ANKMY1: variants seen among roughly 807,000 people sequenced by gnomAD.
ANKMY1 encodes ankyrin repeat and MYND domain containing 1.
A neutral mutation model predicts 102.0 loss-of-function variants in ANKMY1; 98 were observed. The observed-to-expected ratio is 0.96, with a 90% CI of 0.82 to 1.14. ANKMY1 has a LOEUF of 1.14. ANKMY1 is among the 50% of genes most tolerant of loss of function. The pLI is 0.00. For synonymous variants in ANKMY1, 582 were observed against 559.9 expected, an observed-to-expected ratio of 1.04 and a Z score of -0.56; for missense variants, 1,330 against 1,347.6, an observed-to-expected ratio of 0.99 and a Z score of 0.20.
At position 240,553,136 on chromosome 2, in the gene ANKMY1, C is replaced by A; in HGVS notation, c.337-79G>T. 3 of 1,523,930 alleles carry A rather than the reference C, an allele frequency of 2.0e-6. No homozygotes were observed. The South Asian group carries it at 3.6e-5, about 18-fold the overall frequency. 94.4% of individuals were successfully genotyped at this position (1,523,930 alleles called of 1,614,324 possible). A position where few individuals can be genotyped will look rare whatever the true frequency, so the allele number is the denominator to read the frequency against. On this transcript the variant is annotated intron_variant, in intron 3 of 17. Coordinates refer to ENST00000401804, the MANE Select transcript of ANKMY1 (RefSeq NM_001282771.3). ...ATGCCCTTGAGGCTGAGCCACCATG[C>A]CTGGTTGGCAATGAATGGGGACCAC...
intron 16 of ANKMY1, among the ~76,000 whole-genome samples, chr2:240,481,424 T>G (rs986440233): frequency 6.6e-6 from 1 of 152,108 alleles, no homozygotes; most frequent in African/African-American, 2.4e-5. Flanking sequence ...GGTGCGGAAC[T>G]CCTAGGCACA....
chr2:240,540,313 G>A (rs2088361383), intron 4 of ANKMY1, among the ~76,000 whole-genome samples: 2 of 152,168 alleles, frequency 1.3e-5, no homozygotes, highest in South Asian at 4.1e-4. Flanking sequence ...ACTTTCTCAG[G>A]ACTCCCTGAG....
Position 240,529,936 on chromosome 2 carries a change from A to G in ANKMY1, c.481-427T>C, listed in dbSNP as rs1029857899. 6.6e-6 allele frequency among the ~76,000 whole-genome samples: 1 copy of G among 151,590 alleles called. No homozygotes were observed. The highest frequency in any genetic ancestry group is 1.5e-5 in the Non-Finnish European group (1 of 67,900). ...GGTATGACCCAACAAGGGGCAGGAG[A>G]AGGAGGAGGAGATAGAGGAAAGGAA... is the stretch of plus-strand genomic sequence containing the variant. On this transcript the variant is annotated intron_variant, in intron 4 of 17. Coordinates refer to ENST00000401804, the MANE Select transcript of ANKMY1 (RefSeq NM_001282771.3). This position sits in a 1 kb window ranked among gnomAD's most constrained non-coding sequence, Gnocchi z 4.2.
chr2:240,548,058 C>CA (rs1210075132), intron 4 of ANKMY1, among the ~76,000 whole-genome samples: 3 of 151,928 alleles, frequency 2.0e-5, no homozygotes, highest in Non-Finnish European at 4.4e-5. Context: ...GAGACACAAC[C>CA]AAAAAAGAGA....
At chr2:240,478,730 T>TA (rs11320254), downstream of ANKMY1, among the ~76,000 whole-genome samples, 67 of 149,552 alleles carry the variant, frequency 4.5e-4, no homozygotes, top group Non-Finnish European at 7.7e-4. Context: ...GGAAAGTCAG[T>TA]AAAAAAAAAA....
chr2:240,511,760 G>A (rs2080232637), intron 11 of ANKMY1, 101 bp downstream of exon 11: 6 of 1,409,900 alleles, frequency 4.3e-6, no homozygotes, highest in Non-Finnish European at 5.6e-6. Context: ...TTCTGCCTAA[G>A]ACTCAGCATG....
chr2:240,529,597 A>C lies in ANKMY1; in HGVS notation c.481-88T>G. 6 of 1,294,650 alleles carry C rather than the reference A, an allele frequency of 4.6e-6. No homozygotes were observed. In the South Asian group the frequency reaches 9.2e-5, roughly 20 times the overall value. 80.2% of individuals were successfully genotyped at this position (1,294,650 alleles called of 1,614,324 possible). On this transcript the variant is annotated intron_variant, in intron 4 of 17. Transcript: ENST00000401804. This position sits in a 1 kb window ranked among gnomAD's most constrained non-coding sequence, Gnocchi z 4.2. Reference sequence around the variant, plus strand: ...TTTGTAACGTCAAAAGAAATCCCAAAAAAGAAAACTTTCCCAAGAAATGCA... The same window carrying C: ...TTTGTAACGTCAAAAGAAATCCCAACAAAGAAAACTTTCCCAAGAAATGCA...
intron 4 of ANKMY1, among the ~76,000 whole-genome samples, chr2:240,551,905 T>C (rs1427484819): frequency 6.6e-6 from 1 of 152,204 alleles, no homozygotes; most frequent in East Asian, 1.9e-4. Context: ...AGTTTCTTCC[T>C]CAGGAAAGAC....
Position 240,511,715 on chromosome 2 carries a change from C to T in ANKMY1, c.2286+146G>A, listed in dbSNP as rs2152211243. On this transcript the variant is annotated intron_variant, in intron 11 of 17. Transcript: ENST00000401804. The stretch of plus-strand genomic sequence containing the variant: ...GGGAAATCCCGTCCTCCCGCCTTGC[C>T]TTGCTTCCCTCCCCATCCTTCCAAG... 2.7e-6 allele frequency: 3 copies of T among 1,092,410 alleles called. No individual in the cohort carries two copies. The South Asian group carries it at 5.2e-5, about 19-fold the overall frequency. The allele number at this position is 1,092,410 out of a possible 1,614,324, so 67.7% of individuals were successfully genotyped here. A position where few individuals can be genotyped will look rare whatever the true frequency, so the allele number is the denominator to read the frequency against.
At chr2:240,501,748 A>G (rs1367617170) in intron 13 of ANKMY1, among the ~76,000 whole-genome samples, 1 of 152,218 alleles carries the variant, frequency 6.6e-6, no homozygotes, top group Non-Finnish European at 1.5e-5. Flanking sequence ...TGCCACCAAC[A>G]CTAGTGGCCA....
chr2:240,469,055 G>T, the ANKMY1 span, among the ~76,000 whole-genome samples: 1 of 152,302 alleles, frequency 6.6e-6, no homozygotes, highest in South Asian at 2.1e-4. Context: ...GGGGCTCAGC[G>T]GGGCCCCTAG....
At chr2:240,557,148 C>G (rs2092433863) in intron 2 of ANKMY1, 42 bp downstream of exon 2, 3 of 1,407,024 alleles carry the variant, frequency 2.1e-6, no homozygotes, top group African/African-American at 3.0e-5. Flanking sequence ...ACCCTGGGCC[C>G]CAGGTCAGGG....
intron 8 of ANKMY1, chr2:240,523,039 G>C (rs6728549): frequency 6.6e-6 from 1 of 152,048 alleles, no homozygotes; most frequent in Admixed American, 6.5e-5. Flanking sequence ...GCCGCATTCT[G>C]TTGCTACTCT....
At chr2:240,560,828 C>A, upstream of ANKMY1, 2 of 1,418,488 alleles carry the variant, frequency 1.4e-6, no homozygotes, top group Non-Finnish European at 1.8e-6. Context: ...TCACGCTGTG[C>A]GTCAACGTCT....
Position 240,512,958 on chromosome 2 carries a change from C to T in ANKMY1, c.2005-16G>A, listed in dbSNP as rs760888120. ...GGGTGCTCAGCTGCAGAGGAAACAC[C>T]GGGGCGGGCAGTGAGGCACATTCTC... On this transcript the variant is annotated splice_polypyrimidine_tract_variant and intron_variant, in intron 9 of 17. Coordinates refer to ENST00000401804, the MANE Select transcript of ANKMY1 (RefSeq NM_001282771.3). 52 of 1,607,224 alleles carry T rather than the reference C, an allele frequency of 3.2e-5. No individual in the cohort carries two copies. Among genetic ancestry groups the T allele is most frequent in the South Asian group, 1.2e-4 (11 of 90,384 alleles).
At chr2:240,481,722 T>C (rs889295406) in intron 16 of ANKMY1, among the ~76,000 whole-genome samples, 1 of 151,978 alleles carries the variant, frequency 6.6e-6, no homozygotes, top group Non-Finnish European at 1.5e-5. Context: ...GAGTGCAGGG[T>C]TGAGACTCCA....
At chr2:240,474,050 C>T in the ANKMY1 span, among the ~76,000 whole-genome samples, 1 of 151,966 alleles carries the variant, frequency 6.6e-6, no homozygotes, top group African/African-American at 2.4e-5. Flanking sequence ...AAGGCATCCA[C>T]ATCAGAAAGG....
At chr2:240,472,298 A>AT in the ANKMY1 span, among the ~76,000 whole-genome samples, 32 of 131,646 alleles carry the variant, frequency 2.4e-4, no homozygotes, top group South Asian at 1.2e-3. Flanking sequence ...CCAATCTACA[A>AT]CTGCACAGGC....
chr2:240,533,249 C>T (rs2085875164), intron 4 of ANKMY1, among the ~76,000 whole-genome samples: 2 of 151,694 alleles, frequency 1.3e-5, no homozygotes, highest in African/African-American at 4.8e-5. Context: ...AATACCATAT[C>T]GACCCAAATG....
Sources: gnomAD v4.1 joint callset for allele counts (sites outside exome capture counted in the v4.1 genomes callset) on GRCh38, gnomAD v4.1.1 for gene constraint, Gnocchi (gnomAD v3.1) non-coding constraint, MANE v1.5 for transcripts, NCBI Gene and HGNC (gene_info 2026-07-23, HGNC 2026-07-21) for gene names.